Variants in TMEM132D observed in about 807,000 individuals in gnomAD.
TMEM132D encodes transmembrane protein 132D.
A neutral mutation model predicts 62.3 loss-of-function variants in TMEM132D; 21 were observed. The ratio of observed to expected loss-of-function variants is 0.34; its 90% CI spans 0.24 to 0.49. The LOEUF (loss-of-function observed/expected upper bound fraction) is 0.49, where lower values mean the gene tolerates loss of function less well. Among genes scored for constraint, TMEM132D ranks in the 20% least tolerant of loss-of-function variants. TMEM132D has a pLI of 0.99. For synonymous variants in TMEM132D, 621 were observed against 575.6 expected (o/e 1.08, Z -1.13); for missense variants, 1,346 against 1,402.8 (o/e 0.96, Z 0.65).
chr12:129,648,511 C>T (rs1363942537), intron 2 of TMEM132D, among the ~76,000 whole-genome samples: 1 of 152,180 alleles, frequency 6.6e-6, no homozygotes, highest in Non-Finnish European at 1.5e-5. Flanking sequence ...TAAATCAGCT[C>T]TATCAGGGCA....
intron 3 of TMEM132D, among the ~76,000 whole-genome samples, chr12:129,351,220 C>T (rs1869851359): frequency 6.6e-6 from 1 of 152,158 alleles, no homozygotes; most frequent in Admixed American, 6.5e-5. Flanking sequence ...GTGCTTATCT[C>T]CCAGGATGCA....
chr12:129,355,991 T>C (rs936210691), intron 3 of TMEM132D, among the ~76,000 whole-genome samples: 1 of 152,152 alleles, frequency 6.6e-6, no homozygotes, highest in South Asian at 2.1e-4. Flanking sequence ...GAAGCTACCC[T>C]GCACGCGATT....
intron 4 of TMEM132D, among the ~76,000 whole-genome samples, chr12:129,308,792 A>G (rs1210075960): frequency 2.0e-5 from 3 of 152,198 alleles, no homozygotes; most frequent in African/African-American, 7.2e-5. Flanking sequence ...TTAGATATAC[A>G]CTTATAGAGA....
At chr12:129,815,807 A>ATT (rs1467551388) in intron 1 of TMEM132D, among the ~76,000 whole-genome samples, 1 of 152,158 alleles carries the variant, frequency 6.6e-6, no homozygotes, top group African/African-American at 2.4e-5. Context: ...ATTACTTTGT[A>ATT]TTTTTTAATA....
At chr12:129,715,154 C>A (rs539826232) in intron 1 of TMEM132D, among the ~76,000 whole-genome samples, 115 of 152,230 alleles carry the variant, frequency 7.6e-4, no homozygotes, top group Middle Eastern at 3.4e-3. Flanking sequence ...TTTCTAAGGG[C>A]AAAGTCATTT....
chr12:129,800,327 A>G (rs1871723784), intron 1 of TMEM132D, among the ~76,000 whole-genome samples: 1 of 151,860 alleles, frequency 6.6e-6, no homozygotes, highest in Non-Finnish European at 1.5e-5. Flanking sequence ...AGGTGCGGGC[A>G]GAGAGTGTCA....
intron 3 of TMEM132D, among the ~76,000 whole-genome samples, chr12:129,499,656 A>C (rs924188324): frequency 1.2e-4 from 18 of 152,202 alleles, no homozygotes; most frequent in Non-Finnish European, 2.5e-4. Context: ...CATTAGGGAA[A>C]TGAAATTAAA....
At chr12:129,541,852 T>A (rs1876593206) in intron 2 of TMEM132D, among the ~76,000 whole-genome samples, 1 of 152,228 alleles carries the variant, frequency 6.6e-6, no homozygotes, top group Non-Finnish European at 1.5e-5. Context: ...TTATCTTCTT[T>A]GTTACACAGA....
At chr12:129,482,002 C>G (rs1874442759) in intron 3 of TMEM132D, among the ~76,000 whole-genome samples, 2 of 152,188 alleles carry the variant, frequency 1.3e-5, no homozygotes. Flanking sequence ...CAACTGGAAC[C>G]CCAAGACCAC....
chr12:129,581,646 T>A (rs1877867099), intron 2 of TMEM132D, among the ~76,000 whole-genome samples: 1 of 152,192 alleles, frequency 6.6e-6, no homozygotes, highest in South Asian at 2.1e-4. Context: ...AAGTTGGCTT[T>A]TCCCACCTTC....
At chr12:129,514,351 G>A in intron 3 of TMEM132D, among the ~76,000 whole-genome samples, 1 of 152,004 alleles carries the variant, frequency 6.6e-6, no homozygotes, top group East Asian at 1.9e-4. Flanking sequence ...ACTTTCAATA[G>A]ACAGAGAGAC....
At chr12:129,532,422 G>C (rs1876255949) in intron 2 of TMEM132D, among the ~76,000 whole-genome samples, 1 of 152,162 alleles carries the variant, frequency 6.6e-6, no homozygotes, top group Admixed American at 6.5e-5. Flanking sequence ...TTAATATTAG[G>C]GACAAAAGGC....
chr12:129,378,888 G>A (rs1486291489), intron 3 of TMEM132D, among the ~76,000 whole-genome samples: 5 of 152,128 alleles, frequency 3.3e-5, no homozygotes, highest in Admixed American at 2.0e-4. Context: ...CTTCAGAGAG[G>A]AAAATAACAA....
rs1390578802 is a variant in TMEM132D, at chr12:129,531,059, C to A, written c.1115G>T (p.Ser372Ile). 1 of 1,611,502 alleles carries A rather than the reference C, an allele frequency of 6.2e-7. No homozygotes were observed. Among genetic ancestry groups the A allele is most frequent in the Non-Finnish European group, 8.5e-7 (1 of 1,178,298 alleles). Reference sequence around the variant, plus strand: ...ATATCGGAGGCCAGTTGGGACTCACCTGTTTTCTGAGCCAGCTGCTTTCTT... The same window carrying A: ...ATATCGGAGGCCAGTTGGGACTCACATGTTTTCTGAGCCAGCTGCTTTCTT... ...CQKKAAGSEN[S>I]ADGASYEVMQ... is the part of the protein sequence containing the mutation. The change falls in exon 3 of 9, where the codon AGT (serine) becomes ATT (isoleucine). Residue 372 changes from serine (S) to isoleucine (I), a missense_variant and splice_region_variant. Transcript: ENST00000422113.
intron 5 of TMEM132D, among the ~76,000 whole-genome samples, chr12:129,102,440 C>T (rs1402207443): frequency 6.6e-6 from 1 of 150,678 alleles, no homozygotes; most frequent in Non-Finnish European, 1.5e-5. Context: ...GGCATATGCA[C>T]ATACACACAT....
At chr12:129,271,021 GGAGCA>G (rs1458831378) in intron 4 of TMEM132D, among the ~76,000 whole-genome samples, 18 of 152,192 alleles carry the variant, frequency 1.2e-4, no homozygotes, top group Non-Finnish European at 2.2e-4. Context: ...GTTATTGTTA[GGAGCA>G]GAGTAACATA....
At chr12:129,574,763 A>C (rs1235943386) in intron 2 of TMEM132D, among the ~76,000 whole-genome samples, 1 of 151,826 alleles carries the variant, frequency 6.6e-6, no homozygotes, top group Non-Finnish European at 1.5e-5. Context: ...CACATGAACA[A>C]CTGGGAAATC....
chr12:129,257,916 G>A (rs10847819), intron 4 of TMEM132D, among the ~76,000 whole-genome samples: 6,782 of 152,168 alleles, frequency 0.045, 343 homozygotes, highest in East Asian at 0.26. Flanking sequence ...GAGGCTCCCC[G>A]GACAGTACCA....
intron 3 of TMEM132D, among the ~76,000 whole-genome samples, chr12:129,502,801 G>C (rs1426304993): frequency 1.3e-5 from 2 of 152,206 alleles, no homozygotes; most frequent in African/African-American, 2.4e-5. Context: ...CTCATGGCCA[G>C]GGGAATTAGC....
Sources: allele counts gnomAD v4.1 joint callset (sites outside exome capture counted in the v4.1 genomes callset), GRCh38; gene constraint gnomAD v4.1.1; transcripts MANE v1.5; gene names NCBI Gene and HGNC (gene_info 2026-07-23, HGNC 2026-07-21).